Variants in OXR1 observed in about 807,000 individuals in gnomAD.
OXR1 encodes oxidation resistance 1.
OXR1 carries 41 observed loss-of-function variants against 104.6 expected under a neutral mutation model. The ratio of observed to expected loss-of-function variants is 0.39; its 90% CI spans 0.31 to 0.51. The LOEUF is 0.51. OXR1 is among the 20% of genes least tolerant of loss of function. OXR1 has a pLI of 0.77. For missense variants in OXR1, 955 were observed against 1,031.9 expected (o/e 0.93, Z 1.02); for synonymous variants, 348 against 348.4 (o/e 1.00, Z 0.01).
intron 2 of OXR1, among the ~76,000 whole-genome samples, chr8:106,516,514 A>G (rs1159155904): frequency 6.6e-6 from 1 of 152,148 alleles, no homozygotes; most frequent in African/African-American, 2.4e-5. Flanking sequence ...AGCTCATGAG[A>G]AGTAGGGCGC....
intron 11 of OXR1, among the ~76,000 whole-genome samples, chr8:106,718,152 T>G (rs1480616057): frequency 6.6e-6 from 1 of 152,208 alleles, no homozygotes; most frequent in Non-Finnish European, 1.5e-5. Context: ...TTTCCAGTAC[T>G]TCAACTGTTT....
chr8:106,426,371 G>C (rs1288257515), intron 2 of OXR1, among the ~76,000 whole-genome samples: 1 of 151,418 alleles, frequency 6.6e-6, no homozygotes, highest in East Asian at 1.9e-4. Context: ...TTAAACAATT[G>C]ATTGAAAGAT....
intron 3 of OXR1, among the ~76,000 whole-genome samples, chr8:106,539,978 CTT>C (rs1215646806): frequency 6.6e-6 from 1 of 152,076 alleles, no homozygotes; most frequent in Non-Finnish European, 1.5e-5. Flanking sequence ...TTGATTCAAA[CTT>C]TATAAAATTG....
intron 2 of OXR1, among the ~76,000 whole-genome samples, chr8:106,385,145 G>T (rs1278790045): frequency 6.6e-6 from 1 of 152,182 alleles, no homozygotes; most frequent in Non-Finnish European, 1.5e-5. Context: ...AGAACTCAAA[G>T]TGAACATCCT....
chr8:106,612,887 C>T (rs1162674712), intron 3 of OXR1, among the ~76,000 whole-genome samples: 1 of 152,022 alleles, frequency 6.6e-6, no homozygotes, highest in Non-Finnish European at 1.5e-5. Flanking sequence ...AAGTAATTGG[C>T]CCTACACCTC....
chr8:106,516,416 G>T (rs1812863934), intron 2 of OXR1, among the ~76,000 whole-genome samples: 1 of 152,042 alleles, frequency 6.6e-6, no homozygotes, highest in African/African-American at 2.4e-5. Context: ...CAGTTGTTTT[G>T]CCTGTGTTGT....
At chr8:106,527,485 C>A (rs914771888) in intron 3 of OXR1, among the ~76,000 whole-genome samples, 4 of 152,172 alleles carry the variant, frequency 2.6e-5, no homozygotes, top group Non-Finnish European at 4.4e-5. Flanking sequence ...TACACTCCAG[C>A]CAAGCTAAAA....
chr8:106,535,701 T>G (rs1412307994), intron 3 of OXR1, among the ~76,000 whole-genome samples: 1 of 152,164 alleles, frequency 6.6e-6, no homozygotes, highest in Non-Finnish European at 1.5e-5. Context: ...AAAAAAATTA[T>G]TAACTACCTC....
At chr8:106,699,342 C>T (rs550664316) in intron 7 of OXR1, among the ~76,000 whole-genome samples, 40 of 152,276 alleles carry the variant, frequency 2.6e-4, no homozygotes, top group Non-Finnish European at 4.0e-4. Context: ...CTTTGTAGAC[C>T]TCTAAAGCTT....
chr8:106,349,032 A>T (rs1283645282), intron 1 of OXR1, among the ~76,000 whole-genome samples: 1 of 152,214 alleles, frequency 6.6e-6, no homozygotes, highest in African/African-American at 2.4e-5. Flanking sequence ...AATAATTTCC[A>T]GCTAATTTCC....
chr8:106,565,439 C>T (rs1212364641), intron 3 of OXR1, among the ~76,000 whole-genome samples: 1 of 152,056 alleles, frequency 6.6e-6, no homozygotes. Flanking sequence ...AGAACCTCTT[C>T]AAGGAGAACT....
chr8:106,634,836 CAAA>C (rs565594701), intron 3 of OXR1, among the ~76,000 whole-genome samples: 4 of 121,818 alleles, frequency 3.3e-5, no homozygotes, highest in Admixed American at 8.5e-5. Flanking sequence ...TCTTGGCATG[CAAA>C]AAAAAAAAAA....
In OXR1 at chr8:106,339,542, A is replaced by G. The variant is rs184430078; in HGVS notation, c.-138-19934A>G. On this transcript the variant is annotated intron_variant, in intron 1 of 16. Transcript: ENST00000517566. Reference sequence around the variant, plus strand: ...AAAATATATATATATATATATATATATATATATATATATAAAACGAAATCA... The same window carrying G: ...AAAATATATATATATATATATATATGTATATATATATATAAAACGAAATCA... Among the ~76,000 whole-genome samples the G allele has an allele frequency of 2.3e-3, 294 of 127,450 alleles. 14 individuals carry two copies. Among genetic ancestry groups the G allele is most frequent in the East Asian group, 0.02 (83 of 4,154 alleles). 83.6% of individuals were successfully genotyped at this position (127,450 alleles called of 152,430 possible).
At position 106,519,025 on chromosome 8, in the gene OXR1, G is replaced by A; in HGVS notation, c.106G>A (p.Ala36Thr). 4 of 1,551,938 alleles carry A rather than the reference G, an allele frequency of 2.6e-6. No homozygotes were observed. Among genetic ancestry groups the A allele is most frequent in the South Asian group, 2.4e-5 (2 of 84,060 alleles). ...TGGTGCAGGAAAGCAAACACCACAA[G>A]CCAGTAAGCCCCCGGCACCCAAGAC... ...LAGAGKQTPQ[A>T]SKPPAPKTPI... The change falls in exon 3 of 17, where the codon GCC becomes ACC. Residue 36 changes from alanine to threonine, a missense_variant. Around this residue, in one of 2 missense-constraint regions of OXR1, gnomAD observed 849 missense variants for 852.9 expected, o/e 1.00. Transcript: ENST00000517566.
chr8:106,373,788 C>G (rs1816802901), intron 2 of OXR1, among the ~76,000 whole-genome samples: 1 of 152,142 alleles, frequency 6.6e-6, no homozygotes, highest in South Asian at 2.1e-4. Flanking sequence ...CAGGGTTTCA[C>G]CATGTTGGCC....
chr8:106,287,969 A>G (rs1812568687), intron 1 of OXR1, among the ~76,000 whole-genome samples: 1 of 152,172 alleles, frequency 6.6e-6, no homozygotes, highest in Non-Finnish European at 1.5e-5. Flanking sequence ...CTGGAATCCA[A>G]ACTTCTGTGC....
At chr8:106,353,927 T>C (rs1815849738) in intron 1 of OXR1, among the ~76,000 whole-genome samples, 1 of 152,184 alleles carries the variant, frequency 6.6e-6, no homozygotes, top group Non-Finnish European at 1.5e-5. Context: ...GTAACCACCA[T>C]TCTACTTTCT....
intron 11 of OXR1, among the ~76,000 whole-genome samples, chr8:106,718,939 G>A (rs1432553349): frequency 1.3e-5 from 2 of 151,860 alleles, no homozygotes; most frequent in African/African-American, 4.8e-5. Flanking sequence ...AAATGATTAA[G>A]GAAACCTTTC....
intron 2 of OXR1, among the ~76,000 whole-genome samples, chr8:106,443,734 G>T (rs1291221605): frequency 6.6e-6 from 1 of 152,106 alleles, no homozygotes; most frequent in Non-Finnish European, 1.5e-5. Context: ...TGCAACCCCT[G>T]CTTATTTCTT....
Sources: gnomAD v4.1 joint callset for allele counts (sites outside exome capture counted in the v4.1 genomes callset) on GRCh38, gnomAD v4.1.1 for gene constraint, gnomAD v4.1.1 regional missense constraint, MANE v1.5 for transcripts, NCBI Gene and HGNC (gene_info 2026-07-23, HGNC 2026-07-21) for gene names.